Variants in BCL2L13 observed in about 807,000 individuals in gnomAD.
BCL2L13 encodes the protein BCL2 like 13.
BCL2L13 carries 13 observed loss-of-function variants against 25.8 expected under a neutral mutation model. The ratio of observed to expected loss-of-function variants is 0.50; its 90% CI spans 0.33 to 0.80. The LOEUF (loss-of-function observed/expected upper bound fraction) is 0.80. Ranked by LOEUF, BCL2L13 falls within the 30% of genes least tolerant of loss-of-function variation. BCL2L13 has a pLI of 0.02. For synonymous variants in BCL2L13, 244 were observed against 230.3 expected, an observed-to-expected ratio of 1.06 and a Z score of -0.54; for missense variants, 504 against 574.9, an observed-to-expected ratio of 0.88 and a Z score of 1.26.
At chr22:17,641,910 T>G (rs1403753645) in intron 1 of BCL2L13, among the ~76,000 whole-genome samples, 1 of 150,464 alleles carries the variant, frequency 6.6e-6, no homozygotes, top group African/African-American at 2.4e-5. Context: ...CGCCATTCTC[T>G]TGCCTCAGCC....
chr22:17,680,859 A>G (rs887313886), intron 2 of BCL2L13, among the ~76,000 whole-genome samples: 6 of 152,096 alleles, frequency 3.9e-5, no homozygotes, highest in Admixed American at 2.6e-4. Flanking sequence ...CCCTTGAGTA[A>G]GATTTATGGC....
upstream of BCL2L13, among the ~76,000 whole-genome samples, chr22:17,636,814 T>A (rs769163523): frequency 1.3e-5 from 2 of 151,446 alleles, no homozygotes; most frequent in Admixed American, 6.6e-5. Flanking sequence ...TAATAAAAAA[T>A]AAATAAATAA....
In BCL2L13 at chr22:17,670,373, C is replaced by CTTT. The variant is rs370701152; in HGVS notation, c.122-12825_122-12823dup. On this transcript the variant is annotated intron_variant, in intron 2 of 6. Transcript: ENST00000317582. ...GGGGAGTCCTGCTATCTCAAATCAG[C>CTTT]TTTTTTTTTTTTTTTTTTAAGACAG... is the stretch of plus-strand genomic sequence containing the variant. Among the ~76,000 whole-genome samples the CTTT allele has an allele frequency of 8.7e-3, 1,116 of 128,872 alleles. 29 individuals carry two copies. Among genetic ancestry groups the CTTT allele is most frequent in the Admixed American group, 0.035 (432 of 12,328 alleles). 84.5% of individuals were successfully genotyped at this position (128,872 alleles called of 152,430 possible). A position where few individuals can be genotyped will look rare whatever the true frequency, so the allele number is the denominator to read the frequency against.
intron 1 of BCL2L13, among the ~76,000 whole-genome samples, chr22:17,641,869 G>A (rs1200370424): frequency 3.5e-5 from 5 of 142,402 alleles, no homozygotes; most frequent in African/African-American, 5.2e-5. Context: ...GTGCCATCTC[G>A]ACTCACTGCA....
intron 6 of BCL2L13, among the ~76,000 whole-genome samples, chr22:17,711,491 A>G (rs12167817): frequency 4.6e-5 from 7 of 151,718 alleles, no homozygotes; most frequent in African/African-American, 1.5e-4. Context: ...TAGAGGTGCA[A>G]TTTTGCCATG....
At chr22:17,649,566 G>C (rs1321871826) in intron 1 of BCL2L13, among the ~76,000 whole-genome samples, 1 of 151,800 alleles carries the variant, frequency 6.6e-6, no homozygotes, top group Non-Finnish European at 1.5e-5. Context: ...GCAGTGGCAC[G>C]ATCTTGGCTC....
chr22:17,688,324 G>C (rs2060006176), intron 3 of BCL2L13, among the ~76,000 whole-genome samples: 1 of 152,162 alleles, frequency 6.6e-6, no homozygotes, highest in Non-Finnish European at 1.5e-5. Context: ...TCCATGTGTA[G>C]TAATATTAAG....
chr22:17,629,752 C>T (rs1358766590), intron 1 of BCL2L13, among the ~76,000 whole-genome samples: 1 of 151,756 alleles, frequency 6.6e-6, no homozygotes, highest in African/African-American at 2.4e-5. Flanking sequence ...ACTGCATTGA[C>T]CTCCCTTCAC....
intron 2 of BCL2L13, among the ~76,000 whole-genome samples, chr22:17,668,070 G>A (rs886721530): frequency 6.0e-5 from 9 of 149,566 alleles, no homozygotes; most frequent in South Asian, 4.2e-4. Flanking sequence ...GAGTGCAGTG[G>A]CACTATCTTG....
At chr22:17,671,601 A>AT (rs1285658757) in intron 2 of BCL2L13, among the ~76,000 whole-genome samples, 20 of 150,658 alleles carry the variant, frequency 1.3e-4, no homozygotes, top group Admixed American at 9.9e-4. Context: ...TTATTTATTT[A>AT]TTTTTTTTGT....
chr22:17,700,212 A>G (rs534689479), intron 5 of BCL2L13, among the ~76,000 whole-genome samples: 3 of 152,322 alleles, frequency 2.0e-5, no homozygotes, highest in African/African-American at 4.8e-5. Flanking sequence ...TTGCATTGCA[A>G]TGGAGCAATG....
intron 2 of BCL2L13, among the ~76,000 whole-genome samples, chr22:17,679,264 C>CTTTTTTTTTTTTTTTTTTT (rs3044588): frequency 1.3e-5 from 1 of 76,134 alleles, no homozygotes; most frequent in African/African-American, 5.4e-5. Flanking sequence ...TGGTTTGGCT[C>CTTTTTTTTTTTTTTTTTTT]TTTTTTTTTT....
intron 1 of BCL2L13, among the ~76,000 whole-genome samples, chr22:17,648,061 C>T (rs962922333): frequency 1.5e-4 from 23 of 151,162 alleles, no homozygotes; most frequent in Admixed American, 2.0e-4. Flanking sequence ...ACCCAGGAGG[C>T]GAAGGTTGCA....
In BCL2L13 at chr22:17,729,445, A is replaced by C. The variant is rs45573832; in HGVS notation, c.*1911A>C. ...TTGATTGTTCTGTATTCTAATTGCTATATTTGTGTTTGCATAGGTGAAGAG... is the reference window on the plus strand; with the variant it reads ...TTGATTGTTCTGTATTCTAATTGCTCTATTTGTGTTTGCATAGGTGAAGAG... On this transcript the variant is annotated 3_prime_UTR_variant, in exon 7 of 7. Coordinates refer to ENST00000317582, the MANE Select transcript of BCL2L13 (RefSeq NM_015367.4). 1 of 152,114 alleles carries C rather than the reference A, an allele frequency of 6.6e-6. No individual in the cohort carries two copies. Among genetic ancestry groups the C allele is most frequent in the Non-Finnish European group, 1.5e-5 (1 of 68,024 alleles). The allele number at this position is 152,114 out of a possible 1,614,324, so 9.4% of individuals were successfully genotyped here.
chr22:17,651,463 G>A (rs1366560389), intron 1 of BCL2L13, among the ~76,000 whole-genome samples: 1 of 150,958 alleles, frequency 6.6e-6, no homozygotes, highest in Non-Finnish European at 1.5e-5. Context: ...CTTACTGCAA[G>A]CTCCGCCTCC....
chr22:17,687,403 A>G (rs1359290631), intron 3 of BCL2L13, among the ~76,000 whole-genome samples: 2 of 152,124 alleles, frequency 1.3e-5, no homozygotes, highest in African/African-American at 4.8e-5. Flanking sequence ...GTGTAGTGTC[A>G]TGATCAGGGC....
intron 2 of BCL2L13, among the ~76,000 whole-genome samples, chr22:17,677,586 C>A (rs1055808263): frequency 2.0e-5 from 3 of 152,058 alleles, no homozygotes; most frequent in African/African-American, 7.2e-5. Flanking sequence ...AAGAAAAACC[C>A]CACACAGCTG....
At chr22:17,677,913 G>A (rs569248075) in intron 2 of BCL2L13, among the ~76,000 whole-genome samples, 1 of 152,256 alleles carries the variant, frequency 6.6e-6, no homozygotes, top group Non-Finnish European at 1.5e-5. Flanking sequence ...GGGCATGGTG[G>A]TGTGTACCTG....
chr22:17,706,854 G>A lies in BCL2L13; in HGVS notation c.600+4468G>A, dbSNP rs572275092. On this transcript the variant is annotated intron_variant, in intron 6 of 6. Transcript: ENST00000317582. ...AGGCTTGTATTTTACTTTCTCCGTCGTCACATGATAAATACTTCTTGTGAA... is the reference window on the plus strand; with the variant it reads ...AGGCTTGTATTTTACTTTCTCCGTCATCACATGATAAATACTTCTTGTGAA... 122 of 1,348,138 alleles carry A rather than the reference G, an allele frequency of 9.0e-5. No homozygotes were observed. The East Asian group carries it at 9.1e-4, about 10-fold the overall frequency. The allele number at this position is 1,348,138 out of a possible 1,614,324, so 83.5% of individuals were successfully genotyped here.
Sources: allele counts gnomAD v4.1 joint callset (sites outside exome capture counted in the v4.1 genomes callset), GRCh38; gene constraint gnomAD v4.1.1; transcripts MANE v1.5; gene names NCBI Gene and HGNC (gene_info 2026-07-23, HGNC 2026-07-21).